RNF17: variants seen among roughly 807,000 people sequenced by gnomAD.
RNF17 encodes the protein ring finger protein 17, also known as spermatogenesis associated 23.
Under a neutral mutation model 200.5 loss-of-function variants are expected in RNF17, and 31 were observed. The ratio of observed to expected loss-of-function variants is 0.15; its 90% CI spans 0.12 to 0.21. RNF17 has a LOEUF of 0.21. Ranked by LOEUF, RNF17 falls within the 10% of genes least tolerant of loss-of-function variation. The pLI, the probability that RNF17 is intolerant of heterozygous loss-of-function variation, is 1.00. For missense variants in RNF17, 1,628 were observed against 1,905.1 expected (o/e 0.85, Z 2.71); for synonymous variants, 606 against 637.8 (o/e 0.95, Z 0.75).
intron 2 of RNF17, among the ~76,000 whole-genome samples, chr13:24,769,209 A>T (rs753868501): frequency 4.6e-5 from 7 of 152,020 alleles, no homozygotes; most frequent in Non-Finnish European, 7.4e-5. Context: ...AAGACTTGGC[A>T]AATGATTTCA....
At chr13:24,760,503 C>A (rs1878645041), upstream of RNF17, among the ~76,000 whole-genome samples, 1 of 152,092 alleles carries the variant, frequency 6.6e-6, no homozygotes, top group African/African-American at 2.4e-5. Context: ...TTTAAAAGAC[C>A]TGAAACTGTA....
At chr13:24,753,377 A>G in the RNF17 span, among the ~76,000 whole-genome samples, 1 of 152,186 alleles carries the variant, frequency 6.6e-6, no homozygotes, top group South Asian at 2.1e-4. Flanking sequence ...ATCTAGCATC[A>G]CACATGACCT....
At chr13:24,872,806 G>C (rs539111088) in intron 32 of RNF17, among the ~76,000 whole-genome samples, 1 of 139,074 alleles carries the variant, frequency 7.2e-6, no homozygotes, top group Non-Finnish European at 1.6e-5. Flanking sequence ...CCTAAAAACT[G>C]TCAGAATGTG....
upstream of RNF17, among the ~76,000 whole-genome samples, chr13:24,760,930 C>T (rs8000984): frequency 4.0e-5 from 6 of 151,758 alleles, no homozygotes; most frequent in African/African-American, 4.8e-5. Flanking sequence ...AAATTACAGA[C>T]GGTATTAGAA....
rs1418977088 is a variant in RNF17, at chr13:24,879,216, A to T, written c.4803A>T (p.Leu1601Phe). ...CAGCACCAGAACAGATAGTGACATT[A>T]TATGACGATGAACAGCATCCAGTTC... is the stretch of plus-strand genomic sequence containing the variant. ...MAPAPEQIVT[L>F]YDDEQHPVHM... is the part of the protein sequence containing the mutation. The change falls in exon 35 of 36, where the codon TTA (leucine) becomes TTT (phenylalanine). Residue 1601 changes from leucine to phenylalanine, a missense_variant. Leu to Phe is a conservative substitution (Grantham distance 22). This residue lies in a region of RNF17 where 609 missense variants were observed against 681.9 expected (regional missense o/e 0.89). Coordinates refer to ENST00000255324, the MANE Select transcript of RNF17 (RefSeq NM_031277.3). 1 of 1,613,788 alleles carries T rather than the reference A, an allele frequency of 6.2e-7. No individual in the cohort carries two copies. The highest frequency in any genetic ancestry group is 1.3e-5 in the African/African-American group (1 of 75,040).
At chr13:24,885,600 A>G in the RNF17 span, 1 of 1,596,628 alleles carries the variant, frequency 6.3e-7, no homozygotes, top group Non-Finnish European at 8.6e-7. Flanking sequence ...AAAAACAGAG[A>G]TTTACTTGTC....
chr13:24,870,386 A>G (rs1208584493), intron 31 of RNF17, among the ~76,000 whole-genome samples, 185 bp from the exon 32 acceptor site: 2 of 152,124 alleles, frequency 1.3e-5, no homozygotes, highest in Non-Finnish European at 2.9e-5. Context: ...GCCCAGCCTA[A>G]TCATGTTCTC....
At chr13:24,851,656 C>A in intron 24 of RNF17, 85 bp downstream of exon 24, 1 of 762,642 alleles carries the variant, frequency 1.3e-6, no homozygotes, top group Non-Finnish European at 2.1e-6. Flanking sequence ...GCTTTCAAGT[C>A]TGAATTGCAT....
chr13:24,837,068 G>C (rs1890079235), intron 18 of RNF17, among the ~76,000 whole-genome samples: 1 of 152,024 alleles, frequency 6.6e-6, no homozygotes, highest in Non-Finnish European at 1.5e-5. Context: ...AACGAGCAAG[G>C]GTAGTTATTC....
intron 18 of RNF17, among the ~76,000 whole-genome samples, chr13:24,835,394 AAAGCTAAG>A (rs1813796738): frequency 6.6e-6 from 1 of 152,120 alleles, no homozygotes; most frequent in African/African-American, 2.4e-5. Flanking sequence ...TTAAACCACC[AAAGCTAAG>A]AACCTTCACA....
At chr13:24,763,234 G>C (rs934559507), upstream of RNF17, among the ~76,000 whole-genome samples, 1 of 144,120 alleles carries the variant, frequency 6.9e-6, no homozygotes, top group Non-Finnish European at 1.5e-5. Context: ...ACGCAGTCTC[G>C]CTCTGTCGCC....
At chr13:24,774,354 C>T (rs951085322) in intron 2 of RNF17, among the ~76,000 whole-genome samples, 13 of 152,250 alleles carry the variant, frequency 8.5e-5, no homozygotes, top group African/African-American at 2.2e-4. Context: ...GGATTACAGG[C>T]GCCTGCCACC....
At chr13:24,824,089 G>A (rs577781987) in intron 15 of RNF17, 19 of 680,882 alleles carry the variant, frequency 2.8e-5, no homozygotes, top group African/African-American at 2.7e-4. Flanking sequence ...CTGGGAAGAG[G>A]GTAGGGTGAG....
chr13:24,771,323 CTTTTTTTTTT>C (rs35220494), intron 2 of RNF17, among the ~76,000 whole-genome samples: 38 of 78,008 alleles, frequency 4.9e-4, no homozygotes, highest in East Asian at 6.5e-4. Flanking sequence ...CACAGATAAT[CTTTTTTTTTT>C]TTTTTTTTTT....
At chr13:24,797,257 A>G (rs1366071090) in intron 11 of RNF17, among the ~76,000 whole-genome samples, 1 of 152,188 alleles carries the variant, frequency 6.6e-6, no homozygotes, top group Non-Finnish European at 1.5e-5. Context: ...TAAGTTGTTA[A>G]TGATAATTAT....
At chr13:24,762,903 A>T, upstream of RNF17, among the ~76,000 whole-genome samples, 1 of 152,166 alleles carries the variant, frequency 6.6e-6, no homozygotes, top group Non-Finnish European at 1.5e-5. Flanking sequence ...TTCTTCCCTG[A>T]CACACCTCTC....
chr13:24,773,063 T>A (rs1222968261), intron 2 of RNF17, among the ~76,000 whole-genome samples: 1 of 152,174 alleles, frequency 6.6e-6, no homozygotes, highest in Non-Finnish European at 1.5e-5. Context: ...CTAACAGATG[T>A]TGTCAAGGTT....
chr13:24,881,921 T>TATAG (rs1209768626), downstream of RNF17, among the ~76,000 whole-genome samples: 2 of 43,118 alleles, frequency 4.6e-5, no homozygotes, highest in Non-Finnish European at 1.2e-4. Context: ...GATACATCTA[T>TATAG]ATAGATATAT....
chr13:24,839,972 C>G (rs1409904742), intron 18 of RNF17, among the ~76,000 whole-genome samples: 1 of 152,050 alleles, frequency 6.6e-6, no homozygotes, highest in Non-Finnish European at 1.5e-5. Context: ...AAAATCTTCA[C>G]AATCTGTACA....
Sources: allele counts gnomAD v4.1 joint callset (sites outside exome capture counted in the v4.1 genomes callset), GRCh38; gene constraint gnomAD v4.1.1; regional missense constraint gnomAD v4.1.1; transcripts MANE v1.5; gene names NCBI Gene and HGNC (gene_info 2026-07-23, HGNC 2026-07-21).